The following SENP5 variants were observed in gnomAD, a reference collection of about 807,000 sequenced individuals.
SENP5 encodes the protein sentrin-specific protease 5.
A neutral mutation model predicts 74.2 loss-of-function variants in SENP5; 21 were observed. That is an observed-to-expected ratio of 0.28 (90% CI 0.20 to 0.41). The LOEUF is 0.41. Among genes scored for constraint, SENP5 ranks in the 10% least tolerant of loss-of-function variants. SENP5 has a pLI of 1.00. For synonymous variants in SENP5, 311 were observed against 312.7 expected, an observed-to-expected ratio of 0.99 and a Z score of 0.06; for missense variants, 717 against 889.1, an observed-to-expected ratio of 0.81 and a Z score of 2.46.
Position 196,876,351 on chromosome 3 carries a change from T to A in SENP5, c.-32+8278T>A, listed in dbSNP as rs999562327. 4.0e-5 allele frequency among the ~76,000 whole-genome samples: 6 copies of A among 151,766 alleles called. 1 individual carries two copies. Among genetic ancestry groups the A allele is most frequent in the African/African-American group, 1.5e-4 (6 of 41,356 alleles). On this transcript the variant is annotated intron_variant, in intron 1 of 9. Transcript: ENST00000323460. ...ATCCTTGCTAACACAGTGAAACCCC[T>A]TCTCTACTAAAAATACAAAAAAAAT...
intron 8 of SENP5, 51 bp from the exon 9 acceptor site, chr3:196,929,563 AAAGGAGTTTTTCTTATCTG>A: frequency 1.1e-6 from 1 of 948,318 alleles, no homozygotes; most frequent in Non-Finnish European, 1.7e-6. Flanking sequence ...ATTTTTCCAT[AAAGGAGTTTTTCTTATCTG>A]AAGAGAAGTA....
At chr3:196,930,223 C>T (rs973964736) in intron 9 of SENP5, among the ~76,000 whole-genome samples, 1 of 152,084 alleles carries the variant, frequency 6.6e-6, no homozygotes. Context: ...CGTTTGTATA[C>T]CTCATGCATG....
chr3:196,934,393 A>G lies in SENP5; in HGVS notation c.*3470A>G, dbSNP rs1716165274. The G allele has an allele frequency of 6.6e-6, 1 of 152,244 alleles. No individual in the cohort carries two copies. The highest frequency in any genetic ancestry group is 1.5e-5 in the Non-Finnish European group (1 of 68,050). The allele number at this position is 152,244 out of a possible 1,614,324, so 9.4% of individuals were successfully genotyped here. ...GACTCTTCAGCAAGACAGTGTATTA[A>G]TAGTGTGAATTAGATACACTGATGA... On this transcript the variant is annotated 3_prime_UTR_variant, in exon 10 of 10. Transcript: ENST00000323460.
chr3:196,890,612 C>T (rs34331649), intron 2 of SENP5, among the ~76,000 whole-genome samples: 27,971 of 152,118 alleles, frequency 0.18, 3,459 homozygotes, highest in Non-Finnish European at 0.24. Context: ...TGAGGGCGTG[C>T]GTGAAAGTCT....
At chr3:196,914,072 A>G (rs1715251262) in intron 6 of SENP5, 1 of 152,208 alleles carries the variant, frequency 6.6e-6, no homozygotes, top group Non-Finnish European at 1.5e-5. Context: ...GGACTGGAAG[A>G]GATGCAATAT....
intron 5 of SENP5, 130 bp from the exon 6 acceptor site, chr3:196,903,403 T>G: frequency 1.8e-6 from 1 of 545,936 alleles, no homozygotes; most frequent in Non-Finnish European, 3.2e-6. Flanking sequence ...TCAATCATTG[T>G]TTTTATGAAG....
At chr3:196,887,537 G>A (rs1250795767) in intron 2 of SENP5, among the ~76,000 whole-genome samples, 6 of 150,818 alleles carry the variant, frequency 4.0e-5, no homozygotes, top group Admixed American at 2.6e-4. Flanking sequence ...TATAGGAGAC[G>A]CTCAATGTAC....
chr3:196,924,313 G>A (rs746038461), intron 7 of SENP5, among the ~76,000 whole-genome samples: 5 of 152,156 alleles, frequency 3.3e-5, no homozygotes, highest in Non-Finnish European at 5.9e-5. Flanking sequence ...ACAAGCAACA[G>A]ACTTGGAGAA....
rs138621480 is a variant in SENP5, at chr3:196,923,636, A to G, written c.2022+85A>G. On this transcript the variant is annotated intron_variant, in intron 7 of 9. Coordinates refer to ENST00000323460, the MANE Select transcript of SENP5 (RefSeq NM_152699.5). ...GCTCTAGATAGAACAGCAGCAGTCA[A>G]AACCATATAGGAACAGTTTATGTCA... 298 of 895,216 alleles carry G rather than the reference A, an allele frequency of 3.3e-4. No individual in the cohort carries two copies. In the African/African-American group the frequency reaches 4.3e-3, roughly 13 times the overall value. 55.5% of individuals were successfully genotyped at this position (895,216 alleles called of 1,614,324 possible). A position where few individuals can be genotyped will look rare whatever the true frequency, so the allele number is the denominator to read the frequency against.
Position 196,886,883 on chromosome 3 carries a change from A to G in SENP5, c.1513+189A>G, listed in dbSNP as rs138787442. Among the ~76,000 whole-genome samples, 3 of 152,270 alleles carry G rather than the reference A, an allele frequency of 2.0e-5. No homozygotes were observed. In the East Asian group the frequency reaches 5.8e-4, roughly 29 times the overall value. On this transcript the variant is annotated intron_variant, in intron 2 of 9. Coordinates refer to ENST00000323460, the MANE Select transcript of SENP5 (RefSeq NM_152699.5). ...TCATTTAATCCTTGTAGACACTTGC[A>G]TTGATTCCATTTTTTTCATAAGCTA... is the stretch of plus-strand genomic sequence containing the variant.
chr3:196,916,388 A>G (rs1303673588), intron 6 of SENP5, among the ~76,000 whole-genome samples: 4 of 152,140 alleles, frequency 2.6e-5, no homozygotes, highest in Non-Finnish European at 4.4e-5. Flanking sequence ...AAAGGCACCA[A>G]TGACCAATCT....
At chr3:196,917,986 C>T (rs1715451211) in intron 6 of SENP5, among the ~76,000 whole-genome samples, 1 of 152,056 alleles carries the variant, frequency 6.6e-6, no homozygotes. Flanking sequence ...ATTATAATTA[C>T]AATTTTTTAA....
In SENP5 at chr3:196,886,327, T is replaced by A. The variant is rs1378291623; in HGVS notation, c.1146T>A (p.Ser382=). The A allele has an allele frequency of 6.2e-7, 1 of 1,613,872 alleles. No individual in the cohort carries two copies. The highest frequency in any genetic ancestry group is 1.3e-5 in the African/African-American group (1 of 74,938). ...ACATCCCCTTACCAGAACATCGTTC[T>A]AATACCATGTTCATTTCAGAAACTG... The part of the protein sequence containing the change: ...IHDIPLPEHR[S]NTMFISETER... Residue 382 remains serine, a synonymous_variant, in exon 2 of 10, where the codon TCT becomes TCA. Transcript: ENST00000323460.
In SENP5 at chr3:196,886,495, C is replaced by G; in HGVS notation, c.1314C>G (p.Asn438Lys). Residue 438 changes from asparagine (N) to lysine (K), a missense_variant, in exon 2 of 10, where the codon AAC becomes AAG. Around this residue, in one of 4 missense-constraint regions of SENP5, gnomAD observed 567 missense variants for 577.4 expected, o/e 0.98. Transcript: ENST00000323460. ...CCCAAAAGGCTGTTCAAAATGAGAA[C>G]TCATACCAGATGGAGGAGGATGGAT... ...PVSQKAVQNE[N>K]SYQMEEDGSL... 3.1e-6 allele frequency: 5 copies of G among 1,612,118 alleles called. No individual in the cohort carries two copies. The highest frequency in any genetic ancestry group is 4.2e-6 in the Non-Finnish European group (5 of 1,179,136).
In SENP5 at chr3:196,886,284, G is replaced by A; in HGVS notation, c.1103G>A (p.Cys368Tyr). Reference protein sequence around the residue: ...QSSCSSPKWECTELIHDIPLP... With the variant: ...QSSCSSPKWEYTELIHDIPLP... ...TCCTGTTCTTCTCCTAAGTGGGAGT[G>A]TACAGAGCTGATTCATGACATCCCC... Residue 368 changes from cysteine (C) to tyrosine (Y), a missense_variant, in exon 2 of 10, where the codon TGT (cysteine) becomes TAT (tyrosine). This residue lies in a region of SENP5 where 567 missense variants were observed against 577.4 expected (regional missense o/e 0.98). Coordinates refer to ENST00000323460, the MANE Select transcript of SENP5 (RefSeq NM_152699.5). 1 of 1,614,124 alleles carries A rather than the reference G, an allele frequency of 6.2e-7. No individual in the cohort carries two copies. Among genetic ancestry groups the A allele is most frequent in the Non-Finnish European group, 8.5e-7 (1 of 1,180,006 alleles).
At chr3:196,893,547 C>T (rs1404517995) in intron 2 of SENP5, among the ~76,000 whole-genome samples, 1 of 151,988 alleles carries the variant, frequency 6.6e-6, no homozygotes, top group Non-Finnish European at 1.5e-5. Flanking sequence ...GGTTACAATA[C>T]AGTATGCATT....
chr3:196,887,990 A>G (rs1049653780), intron 2 of SENP5, among the ~76,000 whole-genome samples: 1 of 151,788 alleles, frequency 6.6e-6, no homozygotes, highest in Non-Finnish European at 1.5e-5. Context: ...CTGGTCTCGA[A>G]CTCCTGAGCT....
chr3:196,885,371 C>G lies in SENP5; in HGVS notation c.190C>G (p.Leu64Val). Residue 64 changes from leucine (L) to valine (V), a missense_variant, in exon 2 of 10, where the codon CTT becomes GTT. This residue lies in a region of SENP5 where 567 missense variants were observed against 577.4 expected (regional missense o/e 0.98). Coordinates refer to ENST00000323460, the MANE Select transcript of SENP5 (RefSeq NM_152699.5). Reference sequence around the variant, plus strand: ...ACATTTCCAGGGTAGAAAGAAAGCTCTTCAAATCCAGAAAACGTGGATCAA... The same window carrying G: ...ACATTTCCAGGGTAGAAAGAAAGCTGTTCAAATCCAGAAAACGTGGATCAA... ...LRHFQGRKKA[L>V]QIQKTWIKDE... is the part of the protein sequence containing the mutation. The G allele has an allele frequency of 6.2e-7, 1 of 1,614,166 alleles. No homozygotes were observed. The highest frequency in any genetic ancestry group is 8.5e-7 in the Non-Finnish European group (1 of 1,180,022).
chr3:196,881,011 A>G (rs556015286), intron 1 of SENP5, among the ~76,000 whole-genome samples: 153 of 151,900 alleles, frequency 1.0e-3, no homozygotes, highest in Non-Finnish European at 1.9e-3. Context: ...CCATGGTGCA[A>G]TCTCAGCTCA....
Sources: allele counts gnomAD v4.1 joint callset (sites outside exome capture counted in the v4.1 genomes callset), GRCh38; gene constraint gnomAD v4.1.1; regional missense constraint gnomAD v4.1.1; transcripts MANE v1.5; gene names NCBI Gene and HGNC (gene_info 2026-07-23, HGNC 2026-07-21).